RTCA: variants seen among roughly 807,000 people sequenced by gnomAD.
The protein encoded by RTCA is RNA terminal phosphate cyclase domain 1.
In RTCA, 37 loss-of-function variants were observed where a neutral mutation model predicts 46.1. That is an observed-to-expected ratio of 0.80 (90% confidence interval 0.62 to 1.06). The LOEUF is 1.06. Among genes scored for constraint, RTCA ranks in the 50% least tolerant of loss-of-function variants. The pLI, the probability that RTCA is intolerant of heterozygous loss-of-function variation, is 0.00. For synonymous variants in RTCA, 164 were observed against 158.3 expected, an observed-to-expected ratio of 1.04 and a Z score of -0.27; for missense variants, 435 against 455.5, an observed-to-expected ratio of 0.95 and a Z score of 0.41.
chr1:100,276,609 G>A (rs112293818), intron 7 of RTCA, among the ~76,000 whole-genome samples: 4,402 of 152,118 alleles, frequency 0.029, 209 homozygotes, highest in African/African-American at 0.1. Flanking sequence ...CCTGGGAGGC[G>A]GATGTTGCAG....
In RTCA at chr1:100,291,547, A is replaced by G. The variant is rs1381999005; in HGVS notation, c.*43A>G. 3 of 1,126,900 alleles carry G rather than the reference A, an allele frequency of 2.7e-6. No individual in the cohort carries two copies. Among genetic ancestry groups the G allele is most frequent in the Non-Finnish European group, 3.9e-6 (3 of 762,804 alleles). 69.8% of individuals were successfully genotyped at this position (1,126,900 alleles called of 1,614,324 possible). On this transcript the variant is annotated 3_prime_UTR_variant, in exon 11 of 11. Coordinates refer to ENST00000370128, the MANE Select transcript of RTCA (RefSeq NM_003729.4). ...TGATACCTCATTGATATATTGCACT[A>G]TTTCATAAATACTATAAAATAATGA...
chr1:100,274,841 G>T lies in RTCA; in HGVS notation c.491G>T (p.Gly164Val), dbSNP rs754313770. The T allele has an allele frequency of 6.2e-7, 1 of 1,611,546 alleles. No homozygotes were observed. The highest frequency in any genetic ancestry group is 1.3e-5 in the African/African-American group (1 of 74,878). The change falls in exon 6 of 11, where the codon GGG becomes GTG. Residue 164 changes from glycine to valine, a missense_variant. By Grantham distance (109) the Gly-to-Val change is moderately radical. Transcript: ENST00000370128. The stretch of plus-strand genomic sequence containing the variant: ...TTTCATAGGGGATATTACCCAAAAG[G>T]GGGTGGTGAAGTGATTGTTCGAATG... Reference protein sequence around the residue: ...DIKTRGYYPKGGGEVIVRMSP... With the variant: ...DIKTRGYYPKVGGEVIVRMSP...
chr1:100,270,257 A>G (rs1024425483), intron 3 of RTCA, among the ~76,000 whole-genome samples: 1 of 152,166 alleles, frequency 6.6e-6, no homozygotes, highest in Non-Finnish European at 1.5e-5. Context: ...ATATAAAGAA[A>G]AGTATCAGAA....
At chr1:100,269,450 G>A (rs1243147063) in intron 3 of RTCA, among the ~76,000 whole-genome samples, 2 of 149,000 alleles carry the variant, frequency 1.3e-5, no homozygotes, top group Non-Finnish European at 3.0e-5. Context: ...GGGCTCAGGC[G>A]ATTCTCCTAA....
intron 10 of RTCA, among the ~76,000 whole-genome samples, chr1:100,289,788 G>GT (rs1417797320): frequency 6.6e-6 from 1 of 152,158 alleles, no homozygotes; most frequent in Non-Finnish European, 1.5e-5. Context: ...GCTTTGTTGT[G>GT]TATAACTGGG....
At position 100,277,297 on chromosome 1, in the gene RTCA, A is replaced by G. The variant is rs752538489; in HGVS notation, c.780A>G (p.Gly260=). The G allele has an allele frequency of 2.5e-6, 4 of 1,612,144 alleles. No homozygotes were observed. Among genetic ancestry groups the G allele is most frequent in the Non-Finnish European group, 3.4e-6 (4 of 1,179,332 alleles). ...CCTCCACTGGCTGTTTGTTTGCTGG[A>G]TCATCGCTTGGTAAACGAGGTAAGA... The part of the protein sequence containing the change: ...AETSTGCLFA[G]SSLGKRGVNA... The change falls in exon 8 of 11, where the codon GGA becomes GGG. Residue 260 remains glycine (G), a synonymous_variant. Coordinates refer to ENST00000370128, the MANE Select transcript of RTCA (RefSeq NM_003729.4).
chr1:100,274,698 TA>T, intron 5 of RTCA, 125 bp from the exon 6 acceptor site: 1 of 1,083,794 alleles, frequency 9.2e-7, no homozygotes, highest in Non-Finnish European at 1.3e-6. Flanking sequence ...AATACAGACC[TA>T]AAATATTTAG....
chr1:100,274,474 G>T (rs1666264221), intron 5 of RTCA, among the ~76,000 whole-genome samples: 1 of 152,198 alleles, frequency 6.6e-6, no homozygotes, highest in Non-Finnish European at 1.5e-5. Context: ...CTGTCAAATA[G>T]AACTTTCTGC....
intron 4 of RTCA, 151 bp from the exon 5 acceptor site, chr1:100,273,243 G>GA: frequency 1.1e-5 from 5 of 462,736 alleles, no homozygotes; most frequent in South Asian, 3.5e-5. Flanking sequence ...TTTTTTATTT[G>GA]AAAAAAATGG....
Position 100,270,815 on chromosome 1 carries a change from C to CTTTCT in RTCA, c.414+138_414+139insCTTTT, listed in dbSNP as rs544202639. 8.9e-6 allele frequency: 8 copies of CTTTCT among 902,476 alleles called. No individual in the cohort carries two copies. In the African/African-American group the frequency reaches 1.1e-4, roughly 12 times the overall value. 55.9% of individuals were successfully genotyped at this position (902,476 alleles called of 1,614,324 possible). ...CATGGTGTCTTTTCTTTCTTTCTTTCTTTTTTTTTTTGAGACAGTGCTGTT... is the reference window on the plus strand; with the variant it reads ...CATGGTGTCTTTTCTTTCTTTCTTTCTTTCTTTTTTTTTTTTGAGACAGTGCTGTT... On this transcript the variant is annotated intron_variant, in intron 4 of 10. Coordinates refer to ENST00000370128, the MANE Select transcript of RTCA (RefSeq NM_003729.4).
chr1:100,289,565 A>AT (rs1260849594), intron 10 of RTCA, among the ~76,000 whole-genome samples: 5 of 152,050 alleles, frequency 3.3e-5, no homozygotes, highest in Admixed American at 6.5e-5. Flanking sequence ...TGTTAACTCT[A>AT]TTTTTTTTGT....
At chr1:100,282,968 G>A (rs1033814312) in intron 8 of RTCA, among the ~76,000 whole-genome samples, 6 of 151,790 alleles carry the variant, frequency 4.0e-5, no homozygotes, top group African/African-American at 7.3e-5. Context: ...CACCATGCCT[G>A]GCTATTTTAG....
chr1:100,284,729 A>T (rs1438971731), intron 8 of RTCA, among the ~76,000 whole-genome samples: 1 of 152,146 alleles, frequency 6.6e-6, no homozygotes. Context: ...CCTGCAGACT[A>T]ATTGTAACAC....
chr1:100,272,274 ACCAGTACTATATGAGAGTT>A (rs1283154798), intron 4 of RTCA, among the ~76,000 whole-genome samples: 1 of 152,162 alleles, frequency 6.6e-6, no homozygotes, highest in Non-Finnish European at 1.5e-5. Context: ...TTGCATTATT[ACCAGTACTATATGAGAGTT>A]CCAGCTGAAG....
chr1:100,280,181 T>G (rs1666622183), intron 8 of RTCA, among the ~76,000 whole-genome samples: 1 of 152,212 alleles, frequency 6.6e-6, no homozygotes. Context: ...AAGTATGACC[T>G]TCTAGATGTC....
intron 8 of RTCA, among the ~76,000 whole-genome samples, chr1:100,284,100 C>T (rs745878355): frequency 2.0e-5 from 3 of 151,574 alleles, no homozygotes; most frequent in Admixed American, 2.0e-4. Flanking sequence ...TTTCATAAGA[C>T]GTTTTCATTT....
chr1:100,267,100 C>A, intron 2 of RTCA: 2 of 218,720 alleles, frequency 9.1e-6, no homozygotes, highest in Non-Finnish European at 1.8e-5. Context: ...GCTGTTATGA[C>A]CAGAATTATC....
At chr1:100,267,729 T>C (rs370974320) in intron 2 of RTCA, among the ~76,000 whole-genome samples, 1 of 152,040 alleles carries the variant, frequency 6.6e-6, no homozygotes, top group African/African-American at 2.4e-5. Context: ...TTAAAGGCTC[T>C]ATCTCCAAAT....
Position 100,266,419 on chromosome 1 carries a change from G to T in RTCA, c.44G>T (p.Gly15Val), listed in dbSNP as rs1330310669. ...GAGGTCGATGGCAGCATCATGGAAGGGGTGAGTACAGAGCGAAGCGGCCGG... is the reference window on the plus strand; with the variant it reads ...GAGGTCGATGGCAGCATCATGGAAGTGGTGAGTACAGAGCGAAGCGGCCGG... ...RVEVDGSIME[G>V]GGQILRVSTA... The change falls in exon 1 of 11, where the codon GGG becomes GTG. Residue 15 changes from glycine to valine, a missense_variant and splice_region_variant. Transcript: ENST00000370128. 2 of 1,612,808 alleles carry T rather than the reference G, an allele frequency of 1.2e-6. No individual in the cohort carries two copies. The highest frequency in any genetic ancestry group is 1.7e-6 in the Non-Finnish European group (2 of 1,179,454).
Sources: allele counts gnomAD v4.1 joint callset (sites outside exome capture counted in the v4.1 genomes callset), GRCh38; gene constraint gnomAD v4.1.1; transcripts MANE v1.5; gene names NCBI Gene and HGNC (gene_info 2026-07-23, HGNC 2026-07-21).